Variants in VPS13C observed in about 807,000 individuals in gnomAD.
The protein encoded by VPS13C is vacuolar protein sorting 13 homolog C.
Under a neutral mutation model 456.8 loss-of-function variants are expected in VPS13C, and 358 were observed. The observed-to-expected ratio is 0.78, with a 90% CI of 0.72 to 0.86. The LOEUF (loss-of-function observed/expected upper bound fraction) is 0.86. Ranked by LOEUF, VPS13C falls within the 40% of genes least tolerant of loss-of-function variation. The pLI is 0.00. For synonymous variants in VPS13C, 1,578 were observed against 1,486.7 expected, an observed-to-expected ratio of 1.06 and a Z score of -1.41; for missense variants, 4,818 against 4,385.4, an observed-to-expected ratio of 1.10 and a Z score of -2.79.
chr15:61,870,384 G>A (rs1022929803), intron 79 of VPS13C, among the ~76,000 whole-genome samples: 4 of 152,098 alleles, frequency 2.6e-5, no homozygotes, highest in Non-Finnish European at 5.9e-5. Flanking sequence ...TATGTAATAT[G>A]TGGTGTACTG....
intron 13 of VPS13C, 58 bp from the exon 14 acceptor site, chr15:62,008,819 A>C (rs1388093673): frequency 9.3e-7 from 1 of 1,073,400 alleles, no homozygotes; most frequent in Non-Finnish European, 1.3e-6. Context: ...AAAAAGACTA[A>C]ATTTAATTCT....
Position 61,920,294 on chromosome 15 carries a change from G to A in VPS13C, c.7250C>T (p.Ser2417Phe). 6.2e-7 allele frequency: 1 copy of A among 1,610,560 alleles called. No individual in the cohort carries two copies. The highest frequency in any genetic ancestry group is 8.5e-7 in the Non-Finnish European group (1 of 1,177,604). The stretch of plus-strand genomic sequence containing the variant: ...CGTAAAAGGAGCTCTGTCCTTTAAA[G>A]AGTAGTCAAAAGTAGAAGCAGTGCC... ...SEGTASTFDYSLKDRAPFTVK... is the reference protein window; with the variant it reads ...SEGTASTFDYFLKDRAPFTVK... The change falls in exon 57 of 85, where the codon TCT (serine) becomes TTT (phenylalanine). Residue 2417 changes from serine (S) to phenylalanine (F), a missense_variant. Around this residue, in one of 3 missense-constraint regions of VPS13C, gnomAD observed 4,552 missense variants for 4,130.6 expected, o/e 1.10. Transcript: ENST00000644861.
chr15:61,950,700 T>C (rs541656002), intron 40 of VPS13C, among the ~76,000 whole-genome samples: 1 of 152,140 alleles, frequency 6.6e-6, no homozygotes, highest in South Asian at 2.1e-4. Context: ...GAAAAAGTGC[T>C]AGATTATAAC....
chr15:61,959,420 G>GT lies in VPS13C; in HGVS notation c.4056+27_4056+28insA, dbSNP rs747839760. ...CTTTGGAGTTTAAAATTTCAACAAT[G>GT]AAGTTTTTTCTTCACTCATATACTT... On this transcript the variant is annotated intron_variant, in intron 36 of 84. Transcript: ENST00000644861. The GT allele has an allele frequency of 3.9e-6, 6 of 1,529,668 alleles. No individual in the cohort carries two copies. In the Admixed American group the frequency reaches 1.1e-4, roughly 29 times the overall value. 94.8% of individuals were successfully genotyped at this position (1,529,668 alleles called of 1,614,324 possible).
At chr15:61,931,877 G>A (rs891795059) in intron 49 of VPS13C, among the ~76,000 whole-genome samples, 23 of 151,932 alleles carry the variant, frequency 1.5e-4, no homozygotes, top group African/African-American at 1.2e-4. Context: ...ACTGCGCCCC[G>A]CCTCTAATAA....
chr15:61,886,869 C>T (rs1035816754), intron 67 of VPS13C, among the ~76,000 whole-genome samples: 1 of 152,150 alleles, frequency 6.6e-6, no homozygotes, highest in African/African-American at 2.4e-5. Flanking sequence ...ATAAATCCAA[C>T]ATTATTTATG....
In VPS13C at chr15:61,873,981, C is replaced by G. The variant is rs546550067; in HGVS notation, c.10415-572G>C. 8.7e-4 allele frequency among the ~76,000 whole-genome samples: 128 copies of G among 147,592 alleles called. 1 individual carries two copies. The highest frequency in any genetic ancestry group is 1.6e-3 in the Non-Finnish European group (107 of 66,220). Reference sequence around the variant, plus strand: ...TGATACACACACACACACACACAAACAGAATACTACTCAGGCATTAAAAAA... The same window carrying G: ...TGATACACACACACACACACACAAAGAGAATACTACTCAGGCATTAAAAAA... On this transcript the variant is annotated intron_variant, in intron 77 of 84. Transcript: ENST00000644861.
At chr15:61,987,997 AATAG>A (rs141259969) in intron 18 of VPS13C, among the ~76,000 whole-genome samples, 1,765 of 152,314 alleles carry the variant, frequency 0.012, 43 homozygotes, top group African/African-American at 0.041. Context: ...ATCAACAGGA[AATAG>A]ATAAAAAATT....
chr15:61,888,130 G>T (rs1049005581), intron 67 of VPS13C, among the ~76,000 whole-genome samples: 1 of 152,068 alleles, frequency 6.6e-6, no homozygotes, highest in African/African-American at 2.4e-5. Context: ...AAACCGCAAA[G>T]TAAAACAATG....
chr15:61,973,876 G>C (rs2045627227), intron 25 of VPS13C, among the ~76,000 whole-genome samples: 1 of 151,992 alleles, frequency 6.6e-6, no homozygotes, highest in South Asian at 2.1e-4. Context: ...GTATCATCAT[G>C]AGCTGGCTTT....
chr15:61,949,609 A>C lies in VPS13C; in HGVS notation c.4597-4T>G, dbSNP rs2044718952. On this transcript the variant is annotated splice_polypyrimidine_tract_variant and splice_region_variant and intron_variant, in intron 41 of 84. Transcript: ENST00000644861. ...AGTCTAAGGATGCAAATGAAACCTA[A>C]GATAATGAACAATTAAAGAGGCAGA... 1.3e-6 allele frequency: 2 copies of C among 1,592,642 alleles called. No homozygotes were observed. Among genetic ancestry groups the C allele is most frequent in the African/African-American group, 2.7e-5 (2 of 73,290 alleles).
chr15:61,944,043 C>A (rs913398757), intron 45 of VPS13C, among the ~76,000 whole-genome samples: 40 of 152,014 alleles, frequency 2.6e-4, no homozygotes, highest in African/African-American at 8.2e-4. Context: ...AAAAAATGTT[C>A]CACATCACTA....
intron 16 of VPS13C, among the ~76,000 whole-genome samples, chr15:61,992,178 T>A (rs959433860): frequency 1.3e-5 from 2 of 152,192 alleles, no homozygotes; most frequent in African/African-American, 2.4e-5. Context: ...CCCAAAAAAG[T>A]ATTAATTTAA....
chr15:61,946,132 A>C (rs2044596847), intron 44 of VPS13C, among the ~76,000 whole-genome samples, 175 bp downstream of exon 44: 1 of 152,168 alleles, frequency 6.6e-6, no homozygotes, highest in Non-Finnish European at 1.5e-5. Flanking sequence ...ACTGTGTATC[A>C]AGAGGCCTAG....
intron 37 of VPS13C, among the ~76,000 whole-genome samples, chr15:61,955,569 A>C (rs1487466518): frequency 6.6e-6 from 1 of 152,188 alleles, no homozygotes; most frequent in Non-Finnish European, 1.5e-5. Flanking sequence ...AAGGTTTCCT[A>C]ACTATCACCT....
intron 74 of VPS13C, among the ~76,000 whole-genome samples, chr15:61,877,335 G>C (rs1231675369): frequency 6.6e-6 from 1 of 151,220 alleles, no homozygotes; most frequent in East Asian, 1.9e-4. Flanking sequence ...TTCGCACTTA[G>C]AATTCTTTCT....
intron 6 of VPS13C, among the ~76,000 whole-genome samples, chr15:62,025,617 T>A (rs2047611522): frequency 1.3e-5 from 2 of 152,128 alleles, no homozygotes; most frequent in South Asian, 4.1e-4. Flanking sequence ...CACCATGTTC[T>A]GTCTTTCATC....
chr15:62,054,209 A>G (rs1056556397), intron 1 of VPS13C, among the ~76,000 whole-genome samples: 15 of 152,154 alleles, frequency 9.9e-5, no homozygotes, highest in African/African-American at 3.4e-4. Context: ...AAATTTATCT[A>G]TTGGTACCAG....
intron 34 of VPS13C, 22 bp downstream of exon 34, chr15:61,962,349 A>G: frequency 1.9e-6 from 3 of 1,557,014 alleles, no homozygotes; most frequent in Non-Finnish European, 2.6e-6. Context: ...TTGAAAAATC[A>G]ATATACAAAT....
Sources: allele counts gnomAD v4.1 joint callset (sites outside exome capture counted in the v4.1 genomes callset), GRCh38; gene constraint gnomAD v4.1.1; regional missense constraint gnomAD v4.1.1; transcripts MANE v1.5; gene names NCBI Gene and HGNC (gene_info 2026-07-23, HGNC 2026-07-21).